The following SPCS3 variants were observed in gnomAD, a reference collection of about 807,000 sequenced individuals.
The protein encoded by SPCS3 is signal peptidase complex subunit 3.
In SPCS3, 9 loss-of-function variants were observed where a neutral mutation model predicts 17.2. That is an observed-to-expected ratio of 0.52 (90% CI 0.31 to 0.91). The LOEUF is 0.91. Among genes scored for constraint, SPCS3 ranks in the 40% least tolerant of loss-of-function variants. The pLI is 0.04. For missense variants in SPCS3, 139 were observed against 217.5 expected (o/e 0.64, Z 2.27); for synonymous variants, 87 against 89.6 (o/e 0.97, Z 0.16).
At position 176,320,215 on chromosome 4, in the gene SPCS3, A is replaced by G. The variant is rs1731516314; in HGVS notation, c.139A>G (p.Met47Val). The change falls in exon 1 of 5, where the codon ATG (methionine) becomes GTG (valine). Residue 47 changes from methionine to valine, a missense_variant. By Grantham distance (21) the Met-to-Val change is conservative. Coordinates refer to ENST00000503362, the MANE Select transcript of SPCS3 (RefSeq NM_021928.4). ...GGTGCGGCTGCACGTCTCGCGGATC[A>G]TGCTGTGAGTGAGGCCGGGCCGGCG... ...VPVRLHVSRI[M>V]LKNVEDFTGP... 2 of 1,563,876 alleles carry G rather than the reference A, an allele frequency of 1.3e-6. No homozygotes were observed. Among genetic ancestry groups the G allele is most frequent in the Non-Finnish European group, 1.7e-6 (2 of 1,156,126 alleles).
chr4:176,324,100 G>T, intron 2 of SPCS3, 81 bp from the exon 3 acceptor site: 4 of 736,092 alleles, frequency 5.4e-6, no homozygotes, highest in Non-Finnish European at 7.7e-6. Context: ...TACTGTTATG[G>T]ATAAATAACC....
intron 3 of SPCS3, among the ~76,000 whole-genome samples, chr4:176,326,033 C>T (rs2127001485): frequency 6.6e-6 from 1 of 152,270 alleles, no homozygotes; most frequent in South Asian, 2.1e-4. Flanking sequence ...GGCACAGTGG[C>T]TCACACCTGT....
In SPCS3 at chr4:176,320,164, ACCG is replaced by A. The variant is rs1731515372; in HGVS notation, c.91_93del (p.Ala31del). 1 of 1,583,138 alleles carries A rather than the reference ACCG, an allele frequency of 6.3e-7. No individual in the cohort carries two copies. The highest frequency in any genetic ancestry group is 1.1e-5 in the South Asian group (1 of 88,102). On this transcript the variant is annotated inframe_deletion, in exon 1 of 5. Transcript: ENST00000503362. ...GCTCACCTTCGGCTGCTTCATCACCACCGCCTTCAAAGACAGGAGCGTCCCGGT... is the reference window on the plus strand; with the variant it reads ...GCTCACCTTCGGCTGCTTCATCACCACCTTCAAAGACAGGAGCGTCCCGGT...
intron 3 of SPCS3, among the ~76,000 whole-genome samples, chr4:176,326,192 T>G (rs1307755411): frequency 1.3e-5 from 2 of 151,860 alleles, no homozygotes; most frequent in African/African-American, 2.4e-5. Context: ...TCCTAGCTAC[T>G]TGGGAGGCTG....
At chr4:176,320,387 G>A in intron 1 of SPCS3, 168 bp downstream of exon 1, 3 of 453,078 alleles carry the variant, frequency 6.6e-6, no homozygotes, top group South Asian at 1.0e-4. Flanking sequence ...GGTGGACGTC[G>A]CAGGCTTTTC....
In SPCS3 at chr4:176,329,051, T is replaced by C. The variant is rs1222871181; in HGVS notation, c.*721T>C. On this transcript the variant is annotated 3_prime_UTR_variant, in exon 5 of 5. Coordinates refer to ENST00000503362, the MANE Select transcript of SPCS3 (RefSeq NM_021928.4). ...AAAACGTTCCTTTATAGCTTTGTAC[T>C]TTTTTTTTTAGCGTTGCCATTGAAA... The C allele has an allele frequency of 6.7e-6, 1 of 148,540 alleles. No homozygotes were observed. Among genetic ancestry groups the C allele is most frequent in the Non-Finnish European group, 1.5e-5 (1 of 66,742 alleles). 9.2% of individuals were successfully genotyped at this position (148,540 alleles called of 1,614,324 possible).
intron 3 of SPCS3, among the ~76,000 whole-genome samples, chr4:176,325,076 A>C (rs1396207578): frequency 1.0e-4 from 14 of 140,322 alleles, no homozygotes; most frequent in African/African-American, 3.7e-4. Flanking sequence ...TTTAAGACAG[A>C]GTCTCGTGCT....
At chr4:176,320,290 G>A in intron 1 of SPCS3, 71 bp downstream of exon 1, 1 of 1,269,266 alleles carries the variant, frequency 7.9e-7, no homozygotes, top group Non-Finnish European at 1.0e-6. Context: ...CCGGGCCGCC[G>A]CGCCGGGGCT....
chr4:176,320,014 T>G lies in SPCS3; in HGVS notation c.-63T>G, dbSNP rs1312317865. The G allele has an allele frequency of 1.4e-6, 2 of 1,423,360 alleles. No homozygotes were observed. The highest frequency in any genetic ancestry group is 2.4e-5 in the Admixed American group (1 of 41,586). 88.2% of individuals were successfully genotyped at this position (1,423,360 alleles called of 1,614,324 possible). A position where few individuals can be genotyped will look rare whatever the true frequency, so the allele number is the denominator to read the frequency against. ...GACGGCGCGGATCGCAGGGAGCCGG[T>G]CCGCCGCCGGAACGGGAGCCTGGGT... is the stretch of plus-strand genomic sequence containing the variant. On this transcript the variant is annotated 5_prime_UTR_variant, in exon 1 of 5. Coordinates refer to ENST00000503362, the MANE Select transcript of SPCS3 (RefSeq NM_021928.4).
At chr4:176,324,637 AC>A (rs1351181455) in intron 3 of SPCS3, among the ~76,000 whole-genome samples, 5 of 152,240 alleles carry the variant, frequency 3.3e-5, no homozygotes, top group Non-Finnish European at 7.3e-5. Flanking sequence ...TCACCATGCT[AC>A]CTAGTATTTA....
chr4:176,327,306 T>A, intron 4 of SPCS3, 29 bp downstream of exon 4: 1 of 1,304,076 alleles, frequency 7.7e-7, no homozygotes, highest in African/African-American at 1.5e-5. Context: ...TTTTTTTACA[T>A]TTAATAAGAG....
intron 2 of SPCS3, among the ~76,000 whole-genome samples, chr4:176,322,772 A>T (rs1482643417): frequency 6.6e-6 from 1 of 152,186 alleles, no homozygotes; most frequent in Non-Finnish European, 1.5e-5. Context: ...GTCAGAAAAT[A>T]TTAACAATTA....
chr4:176,320,572 C>G (rs1413139603), intron 1 of SPCS3: 2 of 156,408 alleles, frequency 1.3e-5, no homozygotes, highest in African/African-American at 4.8e-5. Flanking sequence ...CGCCGCCGCC[C>G]GCCTGGGCTG....
intron 3 of SPCS3, among the ~76,000 whole-genome samples, chr4:176,326,145 C>A (rs1731603293): frequency 6.6e-6 from 1 of 151,628 alleles, no homozygotes; most frequent in African/African-American, 2.4e-5. Flanking sequence ...GCTAAAAATA[C>A]AAAAAATTAG....
At chr4:176,321,258 T>G (rs1213791465) in intron 1 of SPCS3, 2 of 151,860 alleles carry the variant, frequency 1.3e-5, no homozygotes, top group Non-Finnish European at 2.9e-5. Context: ...GTCAGCCCTG[T>G]GAGGGTTAGA....
chr4:176,324,625 G>A (rs183956471), intron 3 of SPCS3, among the ~76,000 whole-genome samples: 1 of 152,350 alleles, frequency 6.6e-6, no homozygotes, highest in East Asian at 1.9e-4. Flanking sequence ...AGGTCAAGAA[G>A]TTCACCATGC....
At chr4:176,325,072 A>G (rs1401077228) in intron 3 of SPCS3, among the ~76,000 whole-genome samples, 19 of 142,108 alleles carry the variant, frequency 1.3e-4, no homozygotes, top group Non-Finnish European at 2.6e-4. Context: ...TTTTTTTAAG[A>G]CAGAGTCTCG....
rs1311207641 is a variant in SPCS3 at position 176,331,612 on chromosome 4, G to A, written c.*3282G>A. The A allele has an allele frequency of 1.3e-5, 2 of 151,880 alleles. No individual in the cohort carries two copies. Among genetic ancestry groups the A allele is most frequent in the East Asian group, 1.9e-4 (1 of 5,188 alleles). The allele number at this position is 151,880 out of a possible 1,614,324, so 9.4% of individuals were successfully genotyped here. On this transcript the variant is annotated 3_prime_UTR_variant, in exon 5 of 5. Coordinates refer to ENST00000503362, the MANE Select transcript of SPCS3 (RefSeq NM_021928.4). ...TAAATTTTTTTATTTTTTCTGAGAC[G>A]GAGATCTGCTCTTACGCCCAGGCTA...
Position 176,322,188 on chromosome 4 carries a change from C to T in SPCS3, c.162C>T (p.Phe54=). Residue 54 remains phenylalanine, a synonymous_variant, in exon 2 of 5, where the codon TTC becomes TTT. Coordinates refer to ENST00000503362, the MANE Select transcript of SPCS3 (RefSeq NM_021928.4). The stretch of plus-strand genomic sequence containing the variant: ...TTCCTAGAAAAAATGTAGAAGATTT[C>T]ACTGGACCTAGAGAAAGAAGTGATC... ...SRIMLKNVED[F]TGPRERSDLG... is the part of the protein sequence containing the mutation. The T allele has an allele frequency of 6.2e-7, 1 of 1,604,806 alleles. No homozygotes were observed. Among genetic ancestry groups the T allele is most frequent in the Non-Finnish European group, 8.5e-7 (1 of 1,172,248 alleles).
Sources: allele counts gnomAD v4.1 joint callset (sites outside exome capture counted in the v4.1 genomes callset), GRCh38; gene constraint gnomAD v4.1.1; transcripts MANE v1.5; gene names NCBI Gene and HGNC (gene_info 2026-07-23, HGNC 2026-07-21).